Variants in SPOCK1 observed in about 807,000 individuals in gnomAD.
The protein encoded by SPOCK1 is testican-1.
SPOCK1 carries 23 observed loss-of-function variants against 55.3 expected under a neutral mutation model. The observed-to-expected ratio is 0.42, with a 90% CI of 0.30 to 0.59. The LOEUF (loss-of-function observed/expected upper bound fraction) is 0.59. SPOCK1 is among the 20% of genes least tolerant of loss of function. The probability of loss-of-function intolerance (pLI) is 0.22; values close to 1 mark genes in which losing one functional copy is unlikely to be tolerated. For synonymous variants in SPOCK1, 226 were observed against 221.0 expected (o/e 1.02, Z -0.20); for missense variants, 499 against 552.5 (o/e 0.90, Z 0.97).
intron 5 of SPOCK1, among the ~76,000 whole-genome samples, chr5:137,099,389 T>C (rs950159566): frequency 5.3e-5 from 8 of 152,100 alleles, no homozygotes; most frequent in African/African-American, 1.9e-4. Flanking sequence ...TTCTGATTGG[T>C]TTATGTCTGT....
At position 137,290,018 on chromosome 5, in the gene SPOCK1, A is replaced by G. The variant is rs58518520; in HGVS notation, c.187-22963T>C. Among the ~76,000 whole-genome samples the G allele has an allele frequency of 1.4e-3, 219 of 152,328 alleles. 2 individuals carry two copies. Among genetic ancestry groups the G allele is most frequent in the African/African-American group, 4.9e-3 (203 of 41,576 alleles). The stretch of plus-strand genomic sequence containing the variant: ...GGCAGGAGGGCAGCATTAAAGTGCT[A>G]CAGCTGCTTCAGAAAACTGTTTGGC... On this transcript the variant is annotated intron_variant, in intron 2 of 10. Coordinates refer to ENST00000394945, the MANE Select transcript of SPOCK1 (RefSeq NM_004598.4).
At chr5:137,299,768 A>C (rs1757551251) in intron 2 of SPOCK1, among the ~76,000 whole-genome samples, 1 of 152,132 alleles carries the variant, frequency 6.6e-6, no homozygotes, top group Non-Finnish European at 1.5e-5. Context: ...AGGTTTTTAA[A>C]ATATCATTAT....
intron 2 of SPOCK1, among the ~76,000 whole-genome samples, chr5:137,447,798 T>G (rs144379130): frequency 1.6e-4 from 25 of 152,196 alleles, no homozygotes; most frequent in African/African-American, 5.8e-4. Context: ...CTAAATAAAT[T>G]TAATCCACCT....
At chr5:137,383,876 G>A (rs752931376) in intron 2 of SPOCK1, among the ~76,000 whole-genome samples, 26 of 152,106 alleles carry the variant, frequency 1.7e-4, no homozygotes, top group South Asian at 4.2e-4. Flanking sequence ...TGAAGCTCCC[G>A]GTAAAACTCA....
chr5:137,099,097 T>C (rs1753211957), intron 5 of SPOCK1, among the ~76,000 whole-genome samples: 1 of 152,192 alleles, frequency 6.6e-6, no homozygotes. Context: ...CCACACCTTT[T>C]TTATCTTTCA....
At chr5:137,418,084 T>A (rs1752385940) in intron 2 of SPOCK1, among the ~76,000 whole-genome samples, 1 of 152,218 alleles carries the variant, frequency 6.6e-6, no homozygotes, top group Non-Finnish European at 1.5e-5. Context: ...GATAGTTAGC[T>A]GAGAATGACG....
chr5:137,141,125 C>G (rs1352957770), intron 3 of SPOCK1, among the ~76,000 whole-genome samples: 3 of 152,174 alleles, frequency 2.0e-5, no homozygotes, highest in Non-Finnish European at 4.4e-5. Flanking sequence ...GCCCTCGGTG[C>G]TGTTCTCTGA....
chr5:137,080,333 C>T (rs1346641170), intron 5 of SPOCK1, among the ~76,000 whole-genome samples: 1 of 152,170 alleles, frequency 6.6e-6, no homozygotes, highest in Non-Finnish European at 1.5e-5. Context: ...TATGTGGTCT[C>T]AAGTCAAAAT....
chr5:137,466,438 GCATTGAGT>G (rs1257765521), intron 2 of SPOCK1, among the ~76,000 whole-genome samples: 4 of 152,190 alleles, frequency 2.6e-5, no homozygotes, highest in African/African-American at 9.7e-5. Context: ...CAACTTACTT[GCATTGAGT>G]CCTGGAAGCT....
At position 137,346,001 on chromosome 5, in the gene SPOCK1, T is replaced by A. The variant is rs147388094; in HGVS notation, c.187-78946A>T. Among the ~76,000 whole-genome samples the A allele has an allele frequency of 2.6e-4, 39 of 152,262 alleles. No individual in the cohort carries two copies. The East Asian group carries it at 7.5e-3, about 29-fold the overall frequency. ...TGCCATCTTATCAGACAAAATAGAT[T>A]CGGAAAAGCGAAGCAGCTGCCCAAG... is the stretch of plus-strand genomic sequence containing the variant. On this transcript the variant is annotated intron_variant, in intron 2 of 10. Transcript: ENST00000394945.
At chr5:137,105,276 A>G (rs898861365) in intron 5 of SPOCK1, among the ~76,000 whole-genome samples, 2 of 152,194 alleles carry the variant, frequency 1.3e-5, no homozygotes, top group Non-Finnish European at 2.9e-5. Flanking sequence ...CTGCTTAGTC[A>G]GAAGCAAGGC....
intron 2 of SPOCK1, among the ~76,000 whole-genome samples, chr5:137,455,442 T>C (rs1374161541): frequency 6.6e-6 from 1 of 152,146 alleles, no homozygotes; most frequent in Non-Finnish European, 1.5e-5. Context: ...GCATGTCTCC[T>C]AGGAGACAGG....
intron 3 of SPOCK1, among the ~76,000 whole-genome samples, chr5:137,207,775 G>T (rs1490985976): frequency 1.3e-5 from 2 of 152,146 alleles, no homozygotes; most frequent in Non-Finnish European, 2.9e-5. Context: ...TCTCAGCCCC[G>T]AGCCTGCTCT....
At chr5:137,423,273 C>G (rs1472631058) in intron 2 of SPOCK1, among the ~76,000 whole-genome samples, 3 of 152,182 alleles carry the variant, frequency 2.0e-5, no homozygotes, top group African/African-American at 7.2e-5. Context: ...TCTCAGATCT[C>G]CAGCTGCATT....
At position 137,225,229 on chromosome 5, in the gene SPOCK1, A is replaced by C. The variant is rs889297396; in HGVS notation, c.232+41781T>G. On this transcript the variant is annotated intron_variant, in intron 3 of 10. Coordinates refer to ENST00000394945, the MANE Select transcript of SPOCK1 (RefSeq NM_004598.4). The stretch of plus-strand genomic sequence containing the variant: ...AAGTGCAGAACTGGGCTCAGTTTCC[A>C]TCTCTACCATTTTCTGGTTGGATGA... 6.6e-5 allele frequency among the ~76,000 whole-genome samples: 10 copies of C among 152,020 alleles called. No individual in the cohort carries two copies. The South Asian group carries it at 1.0e-3, about 16-fold the overall frequency.
intron 3 of SPOCK1, among the ~76,000 whole-genome samples, chr5:137,265,647 A>G (rs1756832631): frequency 6.6e-6 from 1 of 152,138 alleles, no homozygotes; most frequent in Admixed American, 6.5e-5. Flanking sequence ...CATTGTTAGG[A>G]TTGTAGAAGA....
intron 5 of SPOCK1, among the ~76,000 whole-genome samples, chr5:137,070,457 C>T (rs1752590539): frequency 6.6e-6 from 1 of 152,160 alleles, no homozygotes; most frequent in African/African-American, 2.4e-5. Flanking sequence ...ATACACAGAG[C>T]CCTGGCATAG....
Position 137,102,824 on chromosome 5 carries a change from C to T in SPOCK1, c.474+9611G>A, listed in dbSNP as rs929304893. Among the ~76,000 whole-genome samples, 4 of 152,092 alleles carry T rather than the reference C, an allele frequency of 2.6e-5. No individual in the cohort carries two copies. The East Asian group carries it at 7.7e-4, about 29-fold the overall frequency. ...ACTGTGAGAGCTAGATGAAATAATA[C>T]AGAAAGTAAAATAAAGAATACTGCA... On this transcript the variant is annotated intron_variant, in intron 5 of 10. Coordinates refer to ENST00000394945, the MANE Select transcript of SPOCK1 (RefSeq NM_004598.4).
intron 6 of SPOCK1, among the ~76,000 whole-genome samples, chr5:137,036,777 C>A (rs1751893516): frequency 6.6e-6 from 1 of 152,216 alleles, no homozygotes. Context: ...GAGCACTGCC[C>A]CCAGGCTAAG....
Sources: gnomAD v4.1 joint callset for allele counts (sites outside exome capture counted in the v4.1 genomes callset) on GRCh38, gnomAD v4.1.1 for gene constraint, MANE v1.5 for transcripts, NCBI Gene and HGNC (gene_info 2026-07-23, HGNC 2026-07-21) for gene names.